The following BTG4 variants were observed in gnomAD, a reference collection of about 807,000 sequenced individuals.
The protein encoded by BTG4 is protein BTG4.
In BTG4, 10 loss-of-function variants were observed where a neutral mutation model predicts 19.3. The ratio of observed to expected loss-of-function variants is 0.52; its 90% CI spans 0.32 to 0.88. BTG4 has a LOEUF of 0.88. Among genes scored for constraint, BTG4 ranks in the 40% least tolerant of loss-of-function variants. The pLI is 0.04. For missense variants in BTG4, 238 were observed against 281.9 expected, an observed-to-expected ratio of 0.84 and a Z score of 1.11; for synonymous variants, 91 against 95.7, an observed-to-expected ratio of 0.95 and a Z score of 0.29.
intron 5 of BTG4, among the ~76,000 whole-genome samples, chr11:111,470,237 C>T (rs1290543252): frequency 1.3e-5 from 2 of 152,142 alleles, no homozygotes; most frequent in African/African-American, 4.8e-5. Context: ...GTGCACACCA[C>T]CATCCCGGCA....
chr11:111,394,015 A>G, the BTG4 span, among the ~76,000 whole-genome samples: 1 of 152,250 alleles, frequency 6.6e-6, no homozygotes, highest in African/African-American at 2.4e-5. Flanking sequence ...TACAGATACA[A>G]GAGTTCCTCA....
intron 5 of BTG4, among the ~76,000 whole-genome samples, chr11:111,472,814 A>T (rs111994955): frequency 4.6e-5 from 7 of 152,234 alleles, no homozygotes; most frequent in African/African-American, 1.7e-4. Context: ...GCCATGTGCC[A>T]GGCTCACAGT....
downstream of BTG4, among the ~76,000 whole-genome samples, chr11:111,465,412 A>G (rs1863662674): frequency 6.6e-6 from 1 of 152,220 alleles, no homozygotes; most frequent in Non-Finnish European, 1.5e-5. Flanking sequence ...TGACAAAAGA[A>G]GAATAAAAAT....
chr11:111,442,649 A>T, the BTG4 span, among the ~76,000 whole-genome samples: 7 of 151,730 alleles, frequency 4.6e-5, 1 homozygote, highest in Admixed American at 2.6e-4. Context: ...TGTCCAAAGG[A>T]CCCCGTAGCC....
the BTG4 span, chr11:111,404,702 C>T: frequency 1.1e-5 from 5 of 455,752 alleles, no homozygotes; most frequent in African/African-American, 1.0e-4. Flanking sequence ...GAAGAATGTC[C>T]TTTTTCTTGG....
At chr11:111,511,891 C>A (rs1371982976) in intron 1 of BTG4, among the ~76,000 whole-genome samples, 1 of 152,208 alleles carries the variant, frequency 6.6e-6, no homozygotes, top group Non-Finnish European at 1.5e-5. Context: ...ATAGTTTCTA[C>A]TATTCTAAAT....
At chr11:111,427,671 G>A in the BTG4 span, among the ~76,000 whole-genome samples, 1 of 152,082 alleles carries the variant, frequency 6.6e-6, no homozygotes, top group Non-Finnish European at 1.5e-5. Flanking sequence ...TGTCTGAGGG[G>A]AGGTCTCAGG....
chr11:111,475,924 G>A lies in BTG4; in HGVS notation c.663-8243C>T, dbSNP rs560032850. ...CAGCAGGCAAGAGAGCTTGTGCAGCGGAACTCCCATTTATAAAACCATCAG... is the reference window on the plus strand; with the variant it reads ...CAGCAGGCAAGAGAGCTTGTGCAGCAGAACTCCCATTTATAAAACCATCAG... On this transcript the variant is annotated intron_variant, in intron 5 of 5. Transcript: ENST00000356018. Among the ~76,000 whole-genome samples, 61 of 152,132 alleles carry A rather than the reference G, an allele frequency of 4.0e-4. No homozygotes were observed. In the East Asian group the frequency reaches 6.0e-3, roughly 15 times the overall value.
In BTG4 at chr11:111,498,905, C is replaced by G. The variant is rs1865903781; in HGVS notation, c.-26-103G>C. ...AATTTTACATACCTTAAAGTTAAAA[C>G]TGAGAAAATCTGCTAGAAAGAAGTC... On this transcript the variant is annotated intron_variant, in intron 1 of 4. Transcript: ENST00000692032. The G allele has an allele frequency of 6.8e-6, 5 of 737,688 alleles. No homozygotes were observed. In the South Asian group the frequency reaches 8.2e-5, roughly 12 times the overall value. 45.7% of individuals were successfully genotyped at this position (737,688 alleles called of 1,614,324 possible). A position where few individuals can be genotyped will look rare whatever the true frequency, so the allele number is the denominator to read the frequency against.
intron 5 of BTG4, among the ~76,000 whole-genome samples, chr11:111,474,119 C>T (rs1048284776): frequency 6.6e-6 from 1 of 152,248 alleles, no homozygotes; most frequent in Non-Finnish European, 1.5e-5. Context: ...GAGAAATAAC[C>T]AGGCACTGAC....
At position 111,507,840 on chromosome 11, in the gene BTG4, T is replaced by C. The variant is rs566432513; in HGVS notation, c.-27+4341A>G. ...ACATTACCGTCATCACCTACTCTAG[T>C]GTCCTTGATAGCAGGGACTGGTAGG... On this transcript the variant is annotated intron_variant, in intron 1 of 4. Coordinates refer to ENST00000692032, the MANE Select transcript of BTG4 (RefSeq NM_001367975.1). The C allele has an allele frequency of 3.3e-5, 5 of 152,318 alleles. 1 individual carries two copies. Among genetic ancestry groups the C allele is most frequent in the East Asian group, 1.9e-4 (1 of 5,190 alleles). The allele number at this position is 152,318 out of a possible 1,614,324, so 9.4% of individuals were successfully genotyped here. A position where few individuals can be genotyped will look rare whatever the true frequency, so the allele number is the denominator to read the frequency against.
the BTG4 span, among the ~76,000 whole-genome samples, chr11:111,392,490 A>G: frequency 1.3e-5 from 2 of 152,132 alleles, no homozygotes; most frequent in African/African-American, 4.8e-5. Flanking sequence ...AGTGATTTTC[A>G]AACTTTGTCA....
chr11:111,482,943 A>G (rs1350395280), intron 5 of BTG4, among the ~76,000 whole-genome samples: 1 of 152,158 alleles, frequency 6.6e-6, no homozygotes. Context: ...CATCAAAATT[A>G]AAAGATTTTG....
At chr11:111,476,882 G>A (rs928142604) in intron 5 of BTG4, among the ~76,000 whole-genome samples, 2 of 152,084 alleles carry the variant, frequency 1.3e-5, no homozygotes, top group African/African-American at 4.8e-5. Context: ...TTAATATTGG[G>A]TATGTGTCTT....
At chr11:111,481,618 T>C (rs1054031038) in intron 5 of BTG4, among the ~76,000 whole-genome samples, 1 of 151,876 alleles carries the variant, frequency 6.6e-6, no homozygotes, top group African/African-American at 2.4e-5. Flanking sequence ...AAATGAATTA[T>C]ATGCCATGAT....
At position 111,498,129 on chromosome 11, in the gene BTG4, G is replaced by C; in HGVS notation, c.180C>G (p.Ile60Met). 2.5e-6 allele frequency: 4 copies of C among 1,613,812 alleles called. No individual in the cohort carries two copies. Among genetic ancestry groups the C allele is most frequent in the Non-Finnish European group, 3.4e-6 (4 of 1,179,926 alleles). Residue 60 changes from isoleucine (I) to methionine (M), a missense_variant, in exon 3 of 5, where the codon ATC (isoleucine) becomes ATG (methionine). Coordinates refer to ENST00000692032, the MANE Select transcript of BTG4 (RefSeq NM_001367975.1). ...CPSKGQAFRC[I>M]RINNNQNKDP... ...CTTTATTCTGATTGTTGTTTATCCT[G>C]ATGCACCTTTTTAAAAAGCGAAGGG...
At chr11:111,456,800 G>C in the BTG4 span, 1 of 271,062 alleles carries the variant, frequency 3.7e-6, no homozygotes, top group Non-Finnish European at 7.7e-6. The surrounding 1 kb of genome is among the most constrained non-coding windows in gnomAD (Gnocchi z 4.2). Context: ...ATGAGGCAGG[G>C]CTTGCTGGGA....
the BTG4 span, among the ~76,000 whole-genome samples, chr11:111,392,003 G>A: frequency 1.3e-5 from 2 of 151,906 alleles, no homozygotes; most frequent in African/African-American, 2.4e-5. Context: ...CTCAATAAAT[G>A]TTTGCTGGAT....
the BTG4 span, among the ~76,000 whole-genome samples, chr11:111,433,362 T>C: frequency 6.6e-6 from 1 of 152,116 alleles, no homozygotes; most frequent in African/African-American, 2.4e-5. Context: ...TGTAGAAAGC[T>C]GAAACTGGAT....
Sources: gnomAD v4.1 joint callset for allele counts (sites outside exome capture counted in the v4.1 genomes callset) on GRCh38, gnomAD v4.1.1 for gene constraint, Gnocchi (gnomAD v3.1) non-coding constraint, MANE v1.5 for transcripts, NCBI Gene and HGNC (gene_info 2026-07-23, HGNC 2026-07-21) for gene names.